The following CCSER1 variants were observed in gnomAD, a reference collection of about 807,000 sequenced individuals.
The protein encoded by CCSER1 is serine-rich coiled-coil domain-containing protein 1.
CCSER1 carries 41 observed loss-of-function variants against 82.0 expected under a neutral mutation model. The ratio of observed to expected loss-of-function variants is 0.50; its 90% CI spans 0.39 to 0.65. CCSER1 has a LOEUF of 0.65. Among genes scored for constraint, CCSER1 ranks in the 30% least tolerant of loss-of-function variants. CCSER1 has a pLI of 0.00. For synonymous variants in CCSER1, 414 were observed against 383.9 expected (o/e 1.08, Z -0.92); for missense variants, 1,119 against 1,064.2 (o/e 1.05, Z -0.72).
At chr4:91,071,521 G>C (rs902203318) in intron 9 of CCSER1, among the ~76,000 whole-genome samples, 2 of 152,122 alleles carry the variant, frequency 1.3e-5, no homozygotes, top group African/African-American at 4.8e-5. Context: ...ACTATCAAGA[G>C]AGTCATAATG....
chr4:90,831,865 A>G (rs920311118), intron 8 of CCSER1, among the ~76,000 whole-genome samples: 5 of 152,122 alleles, frequency 3.3e-5, no homozygotes, highest in African/African-American at 1.2e-4. Context: ...CACTACCTCA[A>G]TATAGCCTTT....
At chr4:91,239,250 G>T (rs62311979) in intron 10 of CCSER1, among the ~76,000 whole-genome samples, 9,275 of 99,432 alleles carry the variant, frequency 0.093, 820 homozygotes, top group African/African-American at 0.23. Flanking sequence ...CACACAGCTA[G>T]TAAGCAACAA....
chr4:91,464,578 G>C (rs1318441085), intron 10 of CCSER1, among the ~76,000 whole-genome samples: 1 of 152,088 alleles, frequency 6.6e-6, no homozygotes, highest in Non-Finnish European at 1.5e-5. Flanking sequence ...AAAGAATCAA[G>C]ACCCATCACT....
intron 10 of CCSER1, among the ~76,000 whole-genome samples, chr4:91,172,001 TA>T (rs944831961): frequency 2.2e-4 from 33 of 151,950 alleles, no homozygotes; most frequent in African/African-American, 6.5e-4. Context: ...TTATATTCAA[TA>T]AAAAAAATCC....
chr4:91,382,723 C>A (rs1751001944), intron 10 of CCSER1, among the ~76,000 whole-genome samples: 1 of 152,164 alleles, frequency 6.6e-6, no homozygotes, highest in African/African-American at 2.4e-5. Flanking sequence ...CCTGCACCCA[C>A]TGTCTGACAA....
chr4:90,812,883 A>G (rs530778593), intron 7 of CCSER1, among the ~76,000 whole-genome samples: 8 of 152,258 alleles, frequency 5.3e-5, no homozygotes, highest in South Asian at 2.1e-4. Flanking sequence ...AACCACCCCC[A>G]TGATCCAATC....
rs1192117996 is a variant in CCSER1, at chr4:90,664,045, A to G, written c.1932+35813A>G. On this transcript the variant is annotated intron_variant, in intron 6 of 10. Transcript: ENST00000509176. ...GTTAATAAGAAATTCTATACAAAAA[A>G]AATCTCTACTTAGTTTACAAGATAT... 1.8e-5 allele frequency: 3 copies of G among 165,116 alleles called. No individual in the cohort carries two copies. In the Admixed American group the frequency reaches 1.9e-4, roughly 10 times the overall value. 10.2% of individuals were successfully genotyped at this position (165,116 alleles called of 1,614,324 possible).
At chr4:90,348,741 G>T (rs1331579092) in intron 3 of CCSER1, among the ~76,000 whole-genome samples, 2 of 151,984 alleles carry the variant, frequency 1.3e-5, no homozygotes, top group Admixed American at 1.3e-4. Context: ...GTGAATTTAG[G>T]GTTTAGCATT....
chr4:91,171,191 A>T (rs955820692), intron 10 of CCSER1, among the ~76,000 whole-genome samples: 2 of 152,208 alleles, frequency 1.3e-5, no homozygotes, highest in African/African-American at 4.8e-5. Flanking sequence ...AAATATGGAC[A>T]TATATTAAAT....
At chr4:90,304,212 A>C (rs1733759897) in intron 1 of CCSER1, among the ~76,000 whole-genome samples, 1 of 152,236 alleles carries the variant, frequency 6.6e-6, no homozygotes, top group Admixed American at 6.5e-5. Context: ...ACTGTAAACT[A>C]GTTCAACCAT....
At chr4:90,201,256 T>C (rs1737650216) in intron 1 of CCSER1, among the ~76,000 whole-genome samples, 1 of 152,156 alleles carries the variant, frequency 6.6e-6, no homozygotes, top group Non-Finnish European at 1.5e-5. Context: ...AATCAGCGTA[T>C]TTATTTTGCA....
chr4:90,944,975 T>C (rs1006564807), intron 9 of CCSER1, among the ~76,000 whole-genome samples: 1 of 152,216 alleles, frequency 6.6e-6, no homozygotes, highest in Non-Finnish European at 1.5e-5. Flanking sequence ...AAATGCTTTA[T>C]AGAAAATGTT....
At chr4:91,024,737 T>C (rs1013575028) in intron 9 of CCSER1, among the ~76,000 whole-genome samples, 6 of 152,096 alleles carry the variant, frequency 3.9e-5, no homozygotes, top group African/African-American at 1.4e-4. Context: ...ATCTCTTATT[T>C]CTATTTATAT....
At chr4:91,457,538 C>G (rs182840216) in intron 10 of CCSER1, among the ~76,000 whole-genome samples, 5 of 151,958 alleles carry the variant, frequency 3.3e-5, no homozygotes, top group African/African-American at 1.2e-4. Flanking sequence ...TGTGTGGTGG[C>G]GCATGCCTTT....
intron 9 of CCSER1, among the ~76,000 whole-genome samples, chr4:91,016,891 A>G (rs1739476571): frequency 6.6e-6 from 1 of 152,114 alleles, no homozygotes; most frequent in African/African-American, 2.4e-5. Context: ...AAGCATTTTC[A>G]TGTATTAAAG....
chr4:91,221,912 G>A (rs541904328), intron 10 of CCSER1, among the ~76,000 whole-genome samples: 1 of 152,008 alleles, frequency 6.6e-6, no homozygotes, highest in Admixed American at 6.6e-5. Flanking sequence ...CATATTGTCC[G>A]AAAGGGAAAT....
intron 5 of CCSER1, among the ~76,000 whole-genome samples, chr4:90,584,786 A>G (rs868770656): frequency 4.6e-5 from 7 of 152,194 alleles, no homozygotes; most frequent in Middle Eastern, 3.2e-3. Flanking sequence ...GTATTTAACC[A>G]TGTTTTAGTT....
chr4:91,365,022 TA>T (rs1749513693), intron 10 of CCSER1, among the ~76,000 whole-genome samples: 1 of 152,200 alleles, frequency 6.6e-6, no homozygotes, highest in African/African-American at 2.4e-5. Context: ...AAATGGCAGA[TA>T]ATATCTTTAG....
chr4:90,395,388 G>T (rs1751801187), intron 3 of CCSER1, among the ~76,000 whole-genome samples: 1 of 151,964 alleles, frequency 6.6e-6, no homozygotes, highest in Admixed American at 6.6e-5. Flanking sequence ...TCTTTTTCTT[G>T]TTTTTACATT....
Sources: gnomAD v4.1 joint callset for allele counts (sites outside exome capture counted in the v4.1 genomes callset) on GRCh38, gnomAD v4.1.1 for gene constraint, MANE v1.5 for transcripts, NCBI Gene and HGNC (gene_info 2026-07-23, HGNC 2026-07-21) for gene names.